SLC10A7: variants seen among roughly 807,000 people sequenced by gnomAD.
SLC10A7 encodes the protein sodium/bile acid cotransporter 7.
Under a neutral mutation model 43.2 loss-of-function variants are expected in SLC10A7, and 29 were observed. That is an observed-to-expected ratio of 0.67 (90% CI 0.50 to 0.92). The LOEUF is 0.92. Among genes scored for constraint, SLC10A7 ranks in the 40% least tolerant of loss-of-function variants. The pLI is 0.00. For synonymous variants in SLC10A7, 152 were observed against 144.8 expected, an observed-to-expected ratio of 1.05 and a Z score of -0.35; for missense variants, 295 against 403.2, an observed-to-expected ratio of 0.73 and a Z score of 2.30.
intron 5 of SLC10A7, among the ~76,000 whole-genome samples, chr4:146,407,552 A>C (rs1368385540): frequency 6.6e-6 from 1 of 152,218 alleles, no homozygotes; most frequent in Non-Finnish European, 1.5e-5. Context: ...CAGAAGTTTC[A>C]TTATTAAAGG....
At chr4:146,398,466 A>T (rs1164153115) in intron 5 of SLC10A7, among the ~76,000 whole-genome samples, 2 of 152,212 alleles carry the variant, frequency 1.3e-5, no homozygotes, top group East Asian at 3.8e-4. Flanking sequence ...AAGCAGAAAC[A>T]CCAAAGGAGA....
intron 6 of SLC10A7, among the ~76,000 whole-genome samples, chr4:146,324,590 T>C (rs1732975332): frequency 6.6e-6 from 1 of 152,168 alleles, no homozygotes; most frequent in South Asian, 2.1e-4. Flanking sequence ...CTGAGCTCTA[T>C]ACTAGTCCCT....
At chr4:146,490,013 C>A (rs1247028461) in intron 4 of SLC10A7, among the ~76,000 whole-genome samples, 1 of 151,402 alleles carries the variant, frequency 6.6e-6, no homozygotes, top group Non-Finnish European at 1.5e-5. Context: ...ATTCCTCCAA[C>A]AAAAATTCTA....
At chr4:146,281,825 T>C (rs183573774) in intron 10 of SLC10A7, among the ~76,000 whole-genome samples, 35 of 152,286 alleles carry the variant, frequency 2.3e-4, no homozygotes, top group Middle Eastern at 3.4e-3. Context: ...CTACACCTTA[T>C]AGAGTACTCA....
intron 5 of SLC10A7, among the ~76,000 whole-genome samples, chr4:146,428,525 T>C (rs894395487): frequency 6.6e-6 from 1 of 151,556 alleles, no homozygotes; most frequent in Non-Finnish European, 1.5e-5. Context: ...TCAAGTTATC[T>C]GGTTTGTCAT....
At position 146,442,738 on chromosome 4, in the gene SLC10A7, T is replaced by C. The variant is rs1381219397; in HGVS notation, c.435+45A>G. On this transcript the variant is annotated intron_variant, in intron 5 of 11. Transcript: ENST00000335472. ...CACTAAATCTTTCATATACACAATA[T>C]CACAGCAAAAGTTGTAATAGACAAG... 4 of 1,594,658 alleles carry C rather than the reference T, an allele frequency of 2.5e-6. No individual in the cohort carries two copies. The Admixed American group carries it at 5.5e-5, about 22-fold the overall frequency.
At chr4:146,316,187 T>C (rs986668877) in intron 6 of SLC10A7, among the ~76,000 whole-genome samples, 11 of 152,068 alleles carry the variant, frequency 7.2e-5, no homozygotes, top group African/African-American at 2.7e-4. Flanking sequence ...GAGGAAGATA[T>C]ACTGAGAAAA....
intron 4 of SLC10A7, among the ~76,000 whole-genome samples, chr4:146,467,965 A>G (rs1729073410): frequency 6.6e-6 from 1 of 152,138 alleles, no homozygotes. Context: ...CAACCCAAAG[A>G]TTAGAGAGAG....
chr4:146,322,063 G>A (rs999892559), intron 6 of SLC10A7, among the ~76,000 whole-genome samples: 2 of 152,072 alleles, frequency 1.3e-5, no homozygotes, highest in African/African-American at 4.8e-5. Flanking sequence ...CATTATTGTA[G>A]CTCTATAATT....
intron 5 of SLC10A7, among the ~76,000 whole-genome samples, chr4:146,355,674 T>C (rs1303253863): frequency 6.6e-6 from 1 of 151,564 alleles, no homozygotes; most frequent in East Asian, 1.9e-4. Context: ...ATTAAGAAAA[T>C]GTGGCACATA....
intron 5 of SLC10A7, among the ~76,000 whole-genome samples, chr4:146,414,880 T>C (rs1464775224): frequency 1.3e-5 from 2 of 152,134 alleles, no homozygotes; most frequent in African/African-American, 4.8e-5. Flanking sequence ...AGAAACCTCC[T>C]TAAAAATCTT....
chr4:146,266,895 T>A (rs1025488670), intron 10 of SLC10A7, among the ~76,000 whole-genome samples: 1 of 152,198 alleles, frequency 6.6e-6, no homozygotes, highest in Non-Finnish European at 1.5e-5. Flanking sequence ...TTGGATTTTT[T>A]AAAAATAAAG....
chr4:146,437,261 A>T (rs1287070789), intron 5 of SLC10A7, among the ~76,000 whole-genome samples: 1 of 152,082 alleles, frequency 6.6e-6, no homozygotes, highest in Non-Finnish European at 1.5e-5. Context: ...CACTTGCTCA[A>T]ACAGGTGATG....
chr4:146,263,498 A>T (rs1156232859), intron 10 of SLC10A7, among the ~76,000 whole-genome samples: 1 of 152,244 alleles, frequency 6.6e-6, no homozygotes, highest in African/African-American at 2.4e-5. Context: ...AAAAGTAATA[A>T]TTAAAAAACC....
intron 2 of SLC10A7, chr4:146,514,919 A>G (rs1737807377): frequency 1.8e-6 from 1 of 546,204 alleles, no homozygotes; most frequent in South Asian, 2.6e-5. Context: ...TATTCTTTTG[A>G]AAAGGGCTTT....
chr4:146,354,151 C>G (rs1369871538), intron 5 of SLC10A7, among the ~76,000 whole-genome samples: 5 of 144,370 alleles, frequency 3.5e-5, no homozygotes, highest in African/African-American at 1.3e-4. Context: ...ATCATCTCCG[C>G]CCAAAATCTC....
intron 5 of SLC10A7, among the ~76,000 whole-genome samples, chr4:146,426,175 CA>C (rs1729340328): frequency 6.6e-6 from 1 of 152,150 alleles, no homozygotes; most frequent in African/African-American, 2.4e-5. Flanking sequence ...TTTTTCCTGA[CA>C]ATCAGGTGCT....
At chr4:146,286,741 A>G (rs1730001904) in intron 9 of SLC10A7, among the ~76,000 whole-genome samples, 2 of 150,028 alleles carry the variant, frequency 1.3e-5, no homozygotes, top group African/African-American at 5.0e-5. Flanking sequence ...GAGTGGTGAG[A>G]AGGACTGTGT....
chr4:146,349,959 T>G (rs930354882), intron 5 of SLC10A7, among the ~76,000 whole-genome samples: 1 of 152,036 alleles, frequency 6.6e-6, no homozygotes, highest in African/African-American at 2.4e-5. Context: ...GTAACAGTCC[T>G]GTACATGTAC....
Sources: gnomAD v4.1 joint callset for allele counts (sites outside exome capture counted in the v4.1 genomes callset) on GRCh38, gnomAD v4.1.1 for gene constraint, MANE v1.5 for transcripts, NCBI Gene and HGNC (gene_info 2026-07-23, HGNC 2026-07-21) for gene names.